ZBTB20: variants seen among roughly 807,000 people sequenced by gnomAD.
The protein encoded by ZBTB20 is zinc finger and BTB domain containing 20, also known as zinc finger and BTB domain-containing protein 20.
ZBTB20 carries 9 observed loss-of-function variants against 56.9 expected under a neutral mutation model. That is an observed-to-expected ratio of 0.16 (90% CI 0.10 to 0.28). The LOEUF (loss-of-function observed/expected upper bound fraction) is 0.28, where lower values mean the gene tolerates loss of function less well. ZBTB20 is among the 10% of genes least tolerant of loss of function. The probability of loss-of-function intolerance (pLI) is 1.00; values close to 1 mark genes in which losing one functional copy is unlikely to be tolerated. For synonymous variants in ZBTB20, 417 were observed against 420.7 expected (o/e 0.99, Z 0.11); for missense variants, 655 against 1,003.0 (o/e 0.65, Z 4.69).
intron 6 of ZBTB20, among the ~76,000 whole-genome samples, chr3:114,531,035 C>A (rs1224046025): frequency 6.6e-6 from 1 of 152,186 alleles, no homozygotes; most frequent in Non-Finnish European, 1.5e-5. Context: ...TACTTCCTCA[C>A]AAATAACTCC....
intron 1 of ZBTB20, among the ~76,000 whole-genome samples, chr3:115,074,274 C>T (rs2082516687): frequency 6.6e-6 from 1 of 152,120 alleles, no homozygotes; most frequent in African/African-American, 2.4e-5. Context: ...CTACAATTAA[C>T]AGTAATTAAA....
intron 2 of ZBTB20, among the ~76,000 whole-genome samples, chr3:114,997,499 A>G (rs2079074816): frequency 6.6e-6 from 1 of 151,864 alleles, no homozygotes; most frequent in East Asian, 1.9e-4. Flanking sequence ...AATGGTTTCC[A>G]AAGAAATAAA....
At chr3:114,583,701 C>A (rs898253082) in intron 6 of ZBTB20, among the ~76,000 whole-genome samples, 3 of 152,042 alleles carry the variant, frequency 2.0e-5, no homozygotes, top group Admixed American at 6.5e-5. Flanking sequence ...AAATAAGAAA[C>A]GGCTTAGAAA....
chr3:114,811,788 A>G (rs1005391183), intron 4 of ZBTB20, among the ~76,000 whole-genome samples: 9 of 152,238 alleles, frequency 5.9e-5, no homozygotes, highest in Non-Finnish European at 1.2e-4. Context: ...GAAACATCAC[A>G]TACATTGCTT....
At position 115,097,460 on chromosome 3, in the gene ZBTB20, T is replaced by A. The variant is rs565574766; in HGVS notation, c.-702-26046A>T. The stretch of plus-strand genomic sequence containing the variant: ...GCCTCCCAAAGTGCCCTATTTTTTT[T>A]AAAAAAAATCTACTGTTTGGTCCTT... On this transcript the variant is annotated intron_variant, in intron 1 of 11. Transcript: ENST00000675478. Among the ~76,000 whole-genome samples the A allele has an allele frequency of 3.3e-3, 504 of 151,780 alleles. 3 individuals are homozygous for A. In the Middle Eastern group the frequency reaches 0.034, roughly 10 times the overall value.
chr3:114,835,879 T>C (rs547713646), intron 4 of ZBTB20, among the ~76,000 whole-genome samples: 2 of 152,290 alleles, frequency 1.3e-5, no homozygotes, highest in South Asian at 2.1e-4. Flanking sequence ...TTGGTATTAA[T>C]AGCATTTCCC....
Position 114,878,276 on chromosome 3 carries a change from G to C in ZBTB20, c.-417+22028C>G, listed in dbSNP as rs544229332. On this transcript the variant is annotated intron_variant, in intron 4 of 11. Transcript: ENST00000675478. ...GCTAATTTGTGCTGCCATCGGCCTTGTTCCCAAGCAGACAGGGTAGAATAT... is the reference window on the plus strand; with the variant it reads ...GCTAATTTGTGCTGCCATCGGCCTTCTTCCCAAGCAGACAGGGTAGAATAT... 1.2e-4 allele frequency among the ~76,000 whole-genome samples: 19 copies of C among 152,214 alleles called. No homozygotes were observed. In the South Asian group the frequency reaches 3.7e-3, roughly 30 times the overall value.
In ZBTB20 at chr3:114,329,877, G is replaced by T. The variant is rs753892953; in HGVS notation, c.*9128C>A. On this transcript the variant is annotated 3_prime_UTR_variant, in exon 12 of 12. Transcript: ENST00000675478. ...AAATGAATGTTTGAGAATACAGTGGGGACAACTAGGTAATTCACTGTCTTA... is the reference window on the plus strand; with the variant it reads ...AAATGAATGTTTGAGAATACAGTGGTGACAACTAGGTAATTCACTGTCTTA... 4.6e-5 allele frequency: 7 copies of T among 152,144 alleles called. No homozygotes were observed. The highest frequency in any genetic ancestry group is 8.8e-5 in the Non-Finnish European group (6 of 68,034). The allele number at this position is 152,144 out of a possible 1,614,324, so 9.4% of individuals were successfully genotyped here.
chr3:114,511,497 T>A (rs533248257), intron 6 of ZBTB20, among the ~76,000 whole-genome samples: 1 of 152,242 alleles, frequency 6.6e-6, no homozygotes, highest in African/African-American at 2.4e-5. Flanking sequence ...GTGTAGCAAA[T>A]TGGTTCACCT....
chr3:114,774,030 T>C (rs1178222684), intron 5 of ZBTB20, among the ~76,000 whole-genome samples: 2 of 152,208 alleles, frequency 1.3e-5, no homozygotes, highest in Non-Finnish European at 2.9e-5. Context: ...ATTTTCGGCA[T>C]TGAAGATTTA....
At chr3:114,571,532 G>A (rs1042562546) in intron 6 of ZBTB20, among the ~76,000 whole-genome samples, 1 of 152,094 alleles carries the variant, frequency 6.6e-6, no homozygotes, top group African/African-American at 2.4e-5. Flanking sequence ...GTGGAGGAAG[G>A]AAAGCTTCTG....
intron 4 of ZBTB20, among the ~76,000 whole-genome samples, chr3:114,862,319 T>C (rs901522251): frequency 2.0e-5 from 3 of 152,106 alleles, no homozygotes; most frequent in African/African-American, 7.2e-5. Context: ...TAATTTTTTT[T>C]AAAGTGGTAA....
chr3:114,678,414 T>C (rs1474882665), intron 6 of ZBTB20, among the ~76,000 whole-genome samples: 7 of 152,166 alleles, frequency 4.6e-5, no homozygotes, highest in Non-Finnish European at 8.8e-5. Flanking sequence ...TGGAGAGCTT[T>C]GCTGTAACCA....
At chr3:114,773,124 G>A (rs1445171015) in intron 5 of ZBTB20, among the ~76,000 whole-genome samples, 1 of 152,182 alleles carries the variant, frequency 6.6e-6, no homozygotes, top group Non-Finnish European at 1.5e-5. Context: ...CCACAACCAT[G>A]AGGAACTGAA....
chr3:114,522,824 A>G (rs1281422104), intron 6 of ZBTB20, among the ~76,000 whole-genome samples: 3 of 152,128 alleles, frequency 2.0e-5, no homozygotes, highest in Non-Finnish European at 4.4e-5. Flanking sequence ...GAGGCTATGT[A>G]TTTGCTTGGT....
chr3:114,505,031 C>G (rs1469434585), intron 6 of ZBTB20, among the ~76,000 whole-genome samples: 1 of 152,134 alleles, frequency 6.6e-6, no homozygotes, highest in Non-Finnish European at 1.5e-5. Flanking sequence ...TTAAGCTTCT[C>G]TTTGGAAGCA....
intron 2 of ZBTB20, among the ~76,000 whole-genome samples, chr3:114,979,439 A>G (rs1489617111): frequency 6.6e-6 from 1 of 152,004 alleles, no homozygotes; most frequent in Non-Finnish European, 1.5e-5. Context: ...GAAATTTTCA[A>G]TCCATAGTCC....
At chr3:114,531,362 G>A (rs1353190564) in intron 6 of ZBTB20, among the ~76,000 whole-genome samples, 1 of 152,226 alleles carries the variant, frequency 6.6e-6, no homozygotes. Context: ...TTGAGGACTA[G>A]ATAAGTGAAG....
At chr3:115,010,347 C>T (rs1460093284) in intron 2 of ZBTB20, among the ~76,000 whole-genome samples, 2 of 151,920 alleles carry the variant, frequency 1.3e-5, no homozygotes, top group Non-Finnish European at 2.9e-5. Context: ...TCAGGTCTGA[C>T]CCAACACAGT....
Sources: allele counts gnomAD v4.1 joint callset (sites outside exome capture counted in the v4.1 genomes callset), GRCh38; gene constraint gnomAD v4.1.1; transcripts MANE v1.5; gene names NCBI Gene and HGNC (gene_info 2026-07-23, HGNC 2026-07-21).